The following HSF2BP variants were observed in gnomAD, a reference collection of about 807,000 sequenced individuals.
HSF2BP encodes the protein heat shock transcription factor 2 binding protein.
Under a neutral mutation model 35.0 loss-of-function variants are expected in HSF2BP, and 35 were observed. The observed-to-expected ratio is 1.00, with a 90% CI of 0.76 to 1.32. HSF2BP has a LOEUF of 1.32. Ranked by LOEUF, HSF2BP falls within the 40% of genes most tolerant of loss-of-function variation. The pLI is 0.00. For synonymous variants in HSF2BP, 114 were observed against 117.4 expected (o/e 0.97, Z 0.18); for missense variants, 326 against 321.7 (o/e 1.01, Z -0.10).
intron 5 of HSF2BP, among the ~76,000 whole-genome samples, chr21:43,632,713 CATG>C (rs932471612): frequency 9.2e-5 from 14 of 152,176 alleles, no homozygotes; most frequent in African/African-American, 3.4e-4. Flanking sequence ...GGAAGACCTT[CATG>C]ATGATCTAAC....
At chr21:43,637,452 T>C (rs1480411569) in intron 4 of HSF2BP, among the ~76,000 whole-genome samples, 1 of 151,414 alleles carries the variant, frequency 6.6e-6, no homozygotes, top group Non-Finnish European at 1.5e-5. Context: ...GTTCTAAAAG[T>C]TGATTGGACA....
chr21:43,584,033 G>C (rs2081809805), intron 8 of HSF2BP, among the ~76,000 whole-genome samples: 1 of 141,032 alleles, frequency 7.1e-6, no homozygotes, highest in Admixed American at 6.9e-5. Context: ...ACCTGCTAAG[G>C]GAGATGAGGA....
At chr21:43,607,395 A>C (rs1469366905) in intron 7 of HSF2BP, among the ~76,000 whole-genome samples, 1 of 152,120 alleles carries the variant, frequency 6.6e-6, no homozygotes, top group African/African-American at 2.4e-5. Flanking sequence ...TAACCAAGGG[A>C]GTGAAAGATC....
intron 8 of HSF2BP, among the ~76,000 whole-genome samples, chr21:43,582,812 T>G (rs1601618151): frequency 5.1e-5 from 1 of 19,582 alleles, no homozygotes. Flanking sequence ...GAGGGCCTGG[T>G]GAGGGGGATG....
chr21:43,642,076 C>T (rs994642630), intron 4 of HSF2BP, among the ~76,000 whole-genome samples: 2 of 152,264 alleles, frequency 1.3e-5, no homozygotes, highest in South Asian at 4.1e-4. Context: ...GCAGGAGGAT[C>T]ACTTGAGCCC....
the HSF2BP span, among the ~76,000 whole-genome samples, chr21:43,507,147 G>C: frequency 1.5e-5 from 2 of 130,594 alleles, no homozygotes; most frequent in Admixed American, 1.5e-4. Flanking sequence ...TGTGAGACTG[G>C]AACAGGAATT....
chr21:43,589,586 C>T (rs1254841966), intron 8 of HSF2BP, among the ~76,000 whole-genome samples: 1 of 152,098 alleles, frequency 6.6e-6, no homozygotes, highest in Non-Finnish European at 1.5e-5. Flanking sequence ...AGTTGGACGA[C>T]TTATACTACC....
chr21:43,625,289 T>C (rs576412924), intron 6 of HSF2BP, among the ~76,000 whole-genome samples: 1 of 151,998 alleles, frequency 6.6e-6, no homozygotes, highest in South Asian at 2.1e-4. Flanking sequence ...TCCAAGCAGA[T>C]ACATGAAGCA....
intron 7 of HSF2BP, among the ~76,000 whole-genome samples, chr21:43,612,885 A>T (rs2082226403): frequency 6.6e-6 from 1 of 152,166 alleles, no homozygotes; most frequent in Admixed American, 6.5e-5. Context: ...GCAGAATCCT[A>T]CACTGCCCCT....
chr21:43,572,948 T>C (rs981796658), intron 8 of HSF2BP, among the ~76,000 whole-genome samples: 2 of 152,234 alleles, frequency 1.3e-5, no homozygotes, highest in Non-Finnish European at 2.9e-5. Flanking sequence ...GATTGGAGTA[T>C]AGCAATGAAC....
At chr21:43,625,808 A>G (rs1218063414) in intron 6 of HSF2BP, among the ~76,000 whole-genome samples, 1 of 152,140 alleles carries the variant, frequency 6.6e-6, no homozygotes, top group Admixed American at 6.5e-5. Flanking sequence ...AAGAGTTCCT[A>G]TGTAAACCAC....
chr21:43,626,925 T>A (rs889308388), intron 6 of HSF2BP, among the ~76,000 whole-genome samples: 4 of 151,884 alleles, frequency 2.6e-5, no homozygotes, highest in African/African-American at 9.7e-5. Flanking sequence ...TGGAGTGTAG[T>A]GGCACGATCT....
chr21:43,641,190 G>A (rs1434937169), intron 4 of HSF2BP, among the ~76,000 whole-genome samples: 5 of 152,046 alleles, frequency 3.3e-5, no homozygotes, highest in Non-Finnish European at 5.9e-5. Flanking sequence ...TAGTAGAAAC[G>A]GGGTTTCACC....
intron 5 of HSF2BP, among the ~76,000 whole-genome samples, chr21:43,632,677 C>T (rs973837720): frequency 1.3e-5 from 2 of 152,144 alleles, no homozygotes; most frequent in Non-Finnish European, 2.9e-5. Flanking sequence ...TCCTCTTCAG[C>T]CTACTCAATT....
Position 43,656,652 on chromosome 21 carries a change from A to T in HSF2BP, c.122T>A (p.Phe41Tyr). 1 of 1,614,000 alleles carries T rather than the reference A, an allele frequency of 6.2e-7. No individual in the cohort carries two copies. Among genetic ancestry groups the T allele is most frequent in the South Asian group, 1.1e-5 (1 of 91,032 alleles). The change falls in exon 3 of 9, where the codon TTC becomes TAC. Residue 41 changes from phenylalanine (F) to tyrosine (Y), a missense_variant. Phe to Tyr is a conservative substitution (Grantham distance 22, BLOSUM62 3). Coordinates refer to ENST00000291560, the MANE Select transcript of HSF2BP (RefSeq NM_007031.2). ...LTTEVMQIRD[F>Y]LPRILNGEVL... ...CTCCCCATTTAGTATTCTGGGTAAG[A>T]AGTCCCGTATTTGCATCACTTCAGT... is the stretch of plus-strand genomic sequence containing the variant.
intron 7 of HSF2BP, among the ~76,000 whole-genome samples, chr21:43,613,002 C>T (rs2082227845): frequency 6.6e-6 from 1 of 152,130 alleles, no homozygotes; most frequent in African/African-American, 2.4e-5. Context: ...GGTTACTAAC[C>T]AGCTGACTCA....
At chr21:43,600,532 G>A (rs1301937281) in intron 7 of HSF2BP, among the ~76,000 whole-genome samples, 1 of 152,184 alleles carries the variant, frequency 6.6e-6, no homozygotes, top group Non-Finnish European at 1.5e-5. Flanking sequence ...ATTCTTGACA[G>A]AAACTTAAGA....
At chr21:43,583,471 G>A (rs1434016482) in intron 8 of HSF2BP, among the ~76,000 whole-genome samples, 1 of 79,510 alleles carries the variant, frequency 1.3e-5, no homozygotes, top group African/African-American at 5.3e-5. Context: ...GGGAGATGAA[G>A]GCCTGCTGAG....
chr21:43,654,627 G>C (rs971794856), intron 3 of HSF2BP, among the ~76,000 whole-genome samples: 5 of 152,184 alleles, frequency 3.3e-5, no homozygotes, highest in Admixed American at 3.3e-4. Context: ...TCTGTTCCTG[G>C]CGACCTTAGA....
Sources: gnomAD v4.1 joint callset for allele counts (sites outside exome capture counted in the v4.1 genomes callset) on GRCh38, gnomAD v4.1.1 for gene constraint, MANE v1.5 for transcripts, NCBI Gene and HGNC (gene_info 2026-07-23, HGNC 2026-07-21) for gene names.